ATXN8OS: variants seen among roughly 807,000 people sequenced by gnomAD.
The protein encoded by ATXN8OS is ATXN8 opposite strand lncRNA, also known as ATXN8 opposite strand (non-protein coding).
At chr13:70,153,978 C>G (rs893791817) in intron 4 of ATXN8OS, among the ~76,000 whole-genome samples, 2 of 152,148 alleles carry the variant, frequency 1.3e-5, no homozygotes, top group African/African-American at 4.8e-5. Flanking sequence ...TGAGCCACTG[C>G]ACCTGGCCTG....
At chr13:70,127,444 A>G (rs966630210) in intron 2 of ATXN8OS, among the ~76,000 whole-genome samples, 1 of 152,116 alleles carries the variant, frequency 6.6e-6, no homozygotes, top group African/African-American at 2.4e-5. Context: ...ATTGAAATAA[A>G]TTAACTTAGT....
At chr13:70,161,518 A>G (rs1216583164) in intron 4 of ATXN8OS, among the ~76,000 whole-genome samples, 1 of 151,994 alleles carries the variant, frequency 6.6e-6, no homozygotes, top group African/African-American at 2.4e-5. Context: ...CTTAAGCATC[A>G]TTTTTTCAGA....
At chr13:70,158,000 T>G (rs2137503021) in intron 4 of ATXN8OS, among the ~76,000 whole-genome samples, 1 of 152,308 alleles carries the variant, frequency 6.6e-6, no homozygotes, top group South Asian at 2.1e-4. Context: ...AAAATGTGCA[T>G]TAATCACAGA....
intron 3 of ATXN8OS, among the ~76,000 whole-genome samples, chr13:70,136,413 C>CA (rs1888615297): frequency 6.6e-6 from 1 of 151,756 alleles, no homozygotes; most frequent in African/African-American, 2.4e-5. Context: ...ACATCATATC[C>CA]AAATTGTATC....
intron 3 of ATXN8OS, chr13:70,139,535 TAAAG>T (rs1593768535): frequency 2.0e-6 from 1 of 497,350 alleles, no homozygotes; most frequent in African/African-American, 2.0e-5. Context: ...AATTTATGAA[TAAAG>T]AATTGATTTT....
chr13:70,165,119 A>G (rs546371572), intron 4 of ATXN8OS, among the ~76,000 whole-genome samples: 1 of 152,012 alleles, frequency 6.6e-6, no homozygotes, highest in Non-Finnish European at 1.5e-5. Context: ...CAAAACTAGT[A>G]AGATCAATTT....
At chr13:70,165,191 G>A (rs969324666) in intron 4 of ATXN8OS, among the ~76,000 whole-genome samples, 11 of 151,726 alleles carry the variant, frequency 7.2e-5, no homozygotes, top group Non-Finnish European at 1.6e-4. Context: ...GAAAACGAAA[G>A]CATATTGTTA....
intron 4 of ATXN8OS, among the ~76,000 whole-genome samples, chr13:70,166,005 T>G (rs1467825316): frequency 6.6e-6 from 1 of 152,050 alleles, no homozygotes; most frequent in Non-Finnish European, 1.5e-5. Flanking sequence ...GTTGATATAT[T>G]TCATTCTCTA....
chr13:70,144,647 CT>C (rs1445997603), intron 3 of ATXN8OS, among the ~76,000 whole-genome samples: 1 of 151,928 alleles, frequency 6.6e-6, no homozygotes, highest in Non-Finnish European at 1.5e-5. Flanking sequence ...TGTGCCTTGT[CT>C]TTTTATTCTC....
At chr13:70,161,956 C>A in intron 4 of ATXN8OS, among the ~76,000 whole-genome samples, 1 of 151,910 alleles carries the variant, frequency 6.6e-6, no homozygotes, top group East Asian at 1.9e-4. Context: ...TCTATACATT[C>A]AACTTACTTT....
At chr13:70,139,392 G>T in intron 3 of ATXN8OS, 1 of 539,090 alleles carries the variant, frequency 1.9e-6, no homozygotes, top group Non-Finnish European at 2.9e-6. Context: ...TACTGCTGCT[G>T]CTGCTGCTGC....
chr13:70,148,453 A>G (rs1323135106), intron 4 of ATXN8OS, among the ~76,000 whole-genome samples: 1 of 152,138 alleles, frequency 6.6e-6, no homozygotes, highest in African/African-American at 2.4e-5. Flanking sequence ...ACTCCAAAAG[A>G]GAAAGGATAT....
chr13:70,113,657 T>C (rs1888232971), intron 1 of ATXN8OS, among the ~76,000 whole-genome samples: 1 of 152,172 alleles, frequency 6.6e-6, no homozygotes, highest in Non-Finnish European at 1.5e-5. Context: ...GATAAAATAG[T>C]ATAACTTTGT....
chr13:70,149,856 CA>C (rs1175388045), intron 4 of ATXN8OS, among the ~76,000 whole-genome samples: 1 of 151,992 alleles, frequency 6.6e-6, no homozygotes, highest in Non-Finnish European at 1.5e-5. Context: ...AATAAACAAA[CA>C]AAAACTTTTT....
exon 5 of ATXN8OS, among the ~76,000 whole-genome samples, chr13:70,170,461 C>G (rs964603386): frequency 6.6e-6 from 1 of 152,108 alleles, no homozygotes; most frequent in Non-Finnish European, 1.5e-5. Context: ...GCAACGCAGT[C>G]TGCTTTGGGA....
chr13:70,157,500 ATGAC>A (rs1382601329), intron 4 of ATXN8OS, among the ~76,000 whole-genome samples: 2 of 107,822 alleles, frequency 1.9e-5, no homozygotes, highest in African/African-American at 5.2e-5. Context: ...CTGGACTCAC[ATGAC>A]TAAGATATCC....
At chr13:70,164,995 G>T (rs928025120) in intron 4 of ATXN8OS, among the ~76,000 whole-genome samples, 2 of 151,854 alleles carry the variant, frequency 1.3e-5, no homozygotes, top group Non-Finnish European at 2.9e-5. Flanking sequence ...ACTCTAAAAG[G>T]TAAACATTCT....
At chr13:70,171,445 A>T (rs1223618007) in exon 5 of ATXN8OS, among the ~76,000 whole-genome samples, 1 of 152,156 alleles carries the variant, frequency 6.6e-6, no homozygotes, top group Non-Finnish European at 1.5e-5. Flanking sequence ...TGGTGAATGG[A>T]TGTGATGGCC....
chr13:70,153,312 C>T lies in ATXN8OS; in HGVS notation n.573+5884C>T, dbSNP rs568779320. On this transcript the variant is annotated intron_variant and non_coding_transcript_variant, in intron 4 of 4. Coordinates refer to ENST00000678624, the Ensembl canonical transcript of ATXN8OS. The stretch of plus-strand genomic sequence containing the variant: ...GATCCTGTCTGGGTGCAGTGGCTCA[C>T]GCCTATAATCCTAGCACTTTGGGAG... Among the ~76,000 whole-genome samples, 6 of 152,164 alleles carry T rather than the reference C, an allele frequency of 3.9e-5. No individual in the cohort carries two copies. The East Asian group carries it at 5.8e-4, about 15-fold the overall frequency.
Sources: gnomAD v4.1 joint callset for allele counts (sites outside exome capture counted in the v4.1 genomes callset) on GRCh38, gnomAD v4.1.1 for gene constraint, MANE v1.5 for transcripts, NCBI Gene and HGNC (gene_info 2026-07-23, HGNC 2026-07-21) for gene names.